The following CADM2 variants were observed in gnomAD, a reference collection of about 807,000 sequenced individuals.
CADM2 encodes immunoglobulin superfamily member 4D.
Under a neutral mutation model 49.8 loss-of-function variants are expected in CADM2, and 12 were observed. That is an observed-to-expected ratio of 0.24 (90% CI 0.15 to 0.39). The LOEUF is 0.39. Ranked by LOEUF, CADM2 falls within the 10% of genes least tolerant of loss-of-function variation. The pLI, the probability that CADM2 is intolerant of heterozygous loss-of-function variation, is 1.00. For synonymous variants in CADM2, 214 were observed against 175.4 expected, an observed-to-expected ratio of 1.22 and a Z score of -1.74; for missense variants, 378 against 492.3, an observed-to-expected ratio of 0.77 and a Z score of 2.20.
intron 1 of CADM2, among the ~76,000 whole-genome samples, chr3:85,355,409 T>G (rs2031770856): frequency 1.3e-5 from 2 of 152,262 alleles, no homozygotes; most frequent in African/African-American, 4.8e-5. Flanking sequence ...TAGGTCCCCT[T>G]GGCTTAGAGA....
At chr3:85,912,830 A>T (rs772134036) in intron 6 of CADM2, among the ~76,000 whole-genome samples, 1 of 152,122 alleles carries the variant, frequency 6.6e-6, no homozygotes, top group Non-Finnish European at 1.5e-5. Context: ...GGGGAGAAAA[A>T]GTAGTAATTT....
intron 1 of CADM2, among the ~76,000 whole-genome samples, chr3:85,658,576 GTA>G (rs397990421): frequency 0.096 from 6,582 of 68,422 alleles, 203 homozygotes; most frequent in South Asian, 0.14. Flanking sequence ...GGATATATGT[GTA>G]TATATATATA....
intron 1 of CADM2, among the ~76,000 whole-genome samples, chr3:85,440,267 TA>T (rs1250881908): frequency 2.6e-5 from 4 of 152,170 alleles, no homozygotes; most frequent in African/African-American, 9.7e-5. Context: ...GATTACTACA[TA>T]ACTGTAAAAC....
At chr3:85,616,621 A>G (rs1465237627) in intron 1 of CADM2, among the ~76,000 whole-genome samples, 1 of 152,156 alleles carries the variant, frequency 6.6e-6, no homozygotes, top group African/African-American at 2.4e-5. Flanking sequence ...TGTGACCAAA[A>G]CCCAGTGGAT....
intron 1 of CADM2, among the ~76,000 whole-genome samples, chr3:85,245,807 G>T (rs2042633626): frequency 6.6e-6 from 1 of 152,142 alleles, no homozygotes; most frequent in African/African-American, 2.4e-5. Flanking sequence ...TGTGCTGCTT[G>T]CTTTGACTGC....
In CADM2 at chr3:85,158,956, C is replaced by T. The variant is rs181372939; in HGVS notation, c.61+199288C>T. On this transcript the variant is annotated intron_variant, in intron 1 of 9. Transcript: ENST00000383699. ...AAAGATAGTTGCATATATATGTTGA[C>T]GTCTGCGTGTGTGTTAGTGTGTGAA... 1.5e-3 allele frequency among the ~76,000 whole-genome samples: 235 copies of T among 152,092 alleles called. 2 individuals are homozygous for T. In the Middle Eastern group the frequency reaches 0.02, roughly 13 times the overall value.
At chr3:86,047,428 A>G (rs1736811916) in intron 8 of CADM2, among the ~76,000 whole-genome samples, 1 of 152,136 alleles carries the variant, frequency 6.6e-6, no homozygotes, top group Non-Finnish European at 1.5e-5. Flanking sequence ...ATTACACTGG[A>G]CCTTTGATTC....
rs115252056 is a variant in CADM2 at position 85,005,427 on chromosome 3, G to A, written c.61+45759G>A. Reference sequence around the variant, plus strand: ...CTTCACTACATTCAGTGGACAGAGTGGACCTTTGACTTTACTACATATGCT... The same window carrying A: ...CTTCACTACATTCAGTGGACAGAGTAGACCTTTGACTTTACTACATATGCT... On this transcript the variant is annotated intron_variant, in intron 1 of 9. Coordinates refer to ENST00000383699, the MANE Select transcript of CADM2 (RefSeq NM_001167675.2). Among the ~76,000 whole-genome samples the A allele has an allele frequency of 6.1e-3, 934 of 152,138 alleles. 16 individuals carry two copies. Among genetic ancestry groups the A allele is most frequent in the African/African-American group, 0.022 (894 of 41,504 alleles).
At chr3:85,873,512 G>C (rs1577531615) in intron 3 of CADM2, among the ~76,000 whole-genome samples, 1 of 151,946 alleles carries the variant, frequency 6.6e-6, no homozygotes, top group East Asian at 1.9e-4. Context: ...CTAAAAATAG[G>C]AAAATTAGTC....
intron 1 of CADM2, among the ~76,000 whole-genome samples, chr3:85,081,599 G>C (rs569376595): frequency 2.0e-4 from 31 of 152,254 alleles, no homozygotes; most frequent in Non-Finnish European, 3.8e-4. Context: ...AACTCTTCCA[G>C]GTTTAATCAT....
At position 85,153,217 on chromosome 3, in the gene CADM2, A is replaced by C. The variant is rs1024156638; in HGVS notation, c.61+193549A>C. On this transcript the variant is annotated intron_variant, in intron 1 of 9. Transcript: ENST00000383699. Reference sequence around the variant, plus strand: ...GAGTGCCAGACAGTGGGCGCAGGTCAGTGGGTGCGCGCACCCTGCGCGAGC... The same window carrying C: ...GAGTGCCAGACAGTGGGCGCAGGTCCGTGGGTGCGCGCACCCTGCGCGAGC... 2.6e-5 allele frequency among the ~76,000 whole-genome samples: 4 copies of C among 152,108 alleles called. No homozygotes were observed. In the East Asian group the frequency reaches 7.8e-4, roughly 30 times the overall value.
At chr3:86,049,808 A>C (rs539171015) in intron 8 of CADM2, among the ~76,000 whole-genome samples, 1 of 152,184 alleles carries the variant, frequency 6.6e-6, no homozygotes, top group South Asian at 2.1e-4. Context: ...GCGGTGCCAA[A>C]CCGTTCATGA....
intron 8 of CADM2, among the ~76,000 whole-genome samples, chr3:86,044,502 C>T (rs1736386959): frequency 6.6e-6 from 1 of 152,098 alleles, no homozygotes; most frequent in Admixed American, 6.5e-5. Flanking sequence ...AAATCAAAAC[C>T]ACAATGAGAT....
intron 8 of CADM2, among the ~76,000 whole-genome samples, chr3:86,049,216 A>G (rs1437317524): frequency 6.6e-6 from 1 of 152,032 alleles, no homozygotes; most frequent in Non-Finnish European, 1.5e-5. Flanking sequence ...GTCCATTCTC[A>G]CATTGCTATA....
chr3:85,848,060 AT>A (rs967707136), intron 3 of CADM2, among the ~76,000 whole-genome samples: 1 of 151,922 alleles, frequency 6.6e-6, no homozygotes, highest in South Asian at 2.1e-4. Context: ...TATACTCATA[AT>A]TTTTTTAATT....
At chr3:85,413,078 T>C (rs1297328863) in intron 1 of CADM2, among the ~76,000 whole-genome samples, 1 of 136,634 alleles carries the variant, frequency 7.3e-6, no homozygotes, top group East Asian at 2.2e-4. Flanking sequence ...AAGGCGGAGC[T>C]TGCAGTGAGC....
chr3:86,043,713 T>C (rs972803844), intron 8 of CADM2, among the ~76,000 whole-genome samples: 5 of 152,152 alleles, frequency 3.3e-5, no homozygotes, highest in Admixed American at 6.6e-5. Flanking sequence ...AAAACTACTT[T>C]AAATTTCATA....
intron 1 of CADM2, among the ~76,000 whole-genome samples, chr3:85,373,089 A>C (rs1226698343): frequency 2.6e-5 from 4 of 152,146 alleles, no homozygotes; most frequent in Non-Finnish European, 5.9e-5. Context: ...AGTACCCCAA[A>C]GTCTCGACTC....
intron 1 of CADM2, among the ~76,000 whole-genome samples, chr3:85,160,650 TA>T (rs1442980568): frequency 6.6e-6 from 1 of 152,214 alleles, no homozygotes; most frequent in Non-Finnish European, 1.5e-5. Context: ...AGATCAAATT[TA>T]AAAACATTAC....
Sources: gnomAD v4.1 joint callset for allele counts (sites outside exome capture counted in the v4.1 genomes callset) on GRCh38, gnomAD v4.1.1 for gene constraint, MANE v1.5 for transcripts, NCBI Gene and HGNC (gene_info 2026-07-23, HGNC 2026-07-21) for gene names.